OPN5: variants seen among roughly 807,000 people sequenced by gnomAD.
OPN5 encodes opsin 5, also known as opsin-5.
OPN5 carries 18 observed loss-of-function variants against 41.7 expected under a neutral mutation model. The ratio of observed to expected loss-of-function variants is 0.43; its 90% CI spans 0.30 to 0.64. The LOEUF is 0.64. Among genes scored for constraint, OPN5 ranks in the 30% least tolerant of loss-of-function variants. The pLI is 0.13. For missense variants in OPN5, 318 were observed against 434.5 expected, an observed-to-expected ratio of 0.73 and a Z score of 2.38; for synonymous variants, 178 against 164.3, an observed-to-expected ratio of 1.08 and a Z score of -0.64.
intron 2 of OPN5, among the ~76,000 whole-genome samples, chr6:47,790,113 C>T (rs1289732503): frequency 6.6e-6 from 1 of 151,856 alleles, no homozygotes; most frequent in African/African-American, 2.4e-5. Context: ...TTGAATAAGA[C>T]ATAACTTAAC....
chr6:47,798,595 AAT>A (rs1378388459), intron 4 of OPN5, among the ~76,000 whole-genome samples: 1 of 150,946 alleles, frequency 6.6e-6, no homozygotes, highest in East Asian at 1.9e-4. Context: ...ATATTATATT[AAT>A]ATGTCTATAT....
chr6:47,791,827 C>G (rs1289920922), exon 3 of OPN5: 2 of 1,614,012 alleles, frequency 1.2e-6, no homozygotes, highest in East Asian at 2.2e-5. Flanking sequence ...TCACCATCAT[C>G]TCTTGCTTTT....
intron 3 of OPN5, chr6:47,794,976 A>G (rs547272981): frequency 2.3e-6 from 1 of 425,736 alleles, no homozygotes; most frequent in South Asian, 5.8e-5. Flanking sequence ...CCCTTTTCCC[A>G]GCTGTTGTCA....
chr6:47,786,752 C>A, intron 2 of OPN5, 118 bp downstream of exon 2: 1 of 860,084 alleles, frequency 1.2e-6, no homozygotes, highest in Non-Finnish European at 1.8e-6. Flanking sequence ...TTCCACTCTT[C>A]GCTTCACAAA....
chr6:47,786,581 G>T, exon 2 of OPN5: 1 of 1,611,694 alleles, frequency 6.2e-7, no homozygotes, highest in Non-Finnish European at 8.5e-7. Flanking sequence ...AAGAAGCTGA[G>T]ACCCGCTGAA....
chr6:47,791,799 T>C lies in OPN5; in HGVS notation c.251-3T>C, dbSNP rs933248803. 2 of 1,613,630 alleles carry C rather than the reference T, an allele frequency of 1.2e-6. No homozygotes were observed. The highest frequency in any genetic ancestry group is 1.7e-6 in the Non-Finnish European group (2 of 1,179,724). On this transcript the variant is annotated splice_polypyrimidine_tract_variant and splice_region_variant and intron_variant, in intron 2 of 6. Coordinates refer to ENST00000371211, the Ensembl canonical transcript of OPN5. The stretch of plus-strand genomic sequence containing the variant: ...TCTGTTGACAAGTCACTTGGTGCTC[T>C]AGTTGTAGGCAAGCCGTTCACCATC...
intron 4 of OPN5, among the ~76,000 whole-genome samples, chr6:47,796,069 G>A (rs1342829034): frequency 6.6e-6 from 1 of 152,190 alleles, no homozygotes; most frequent in Admixed American, 6.5e-5. Flanking sequence ...AACACGAGCA[G>A]TTTCTGCAGG....
chr6:47,800,838 A>G (rs940231367), intron 4 of OPN5, among the ~76,000 whole-genome samples: 1 of 152,268 alleles, frequency 6.6e-6, no homozygotes, highest in African/African-American at 2.4e-5. Flanking sequence ...CAGTTTCAGT[A>G]CAATGACAGG....
chr6:47,823,996 T>C lies in OPN5; in HGVS notation c.*5T>C, dbSNP rs1762717257. 3.2e-6 allele frequency: 5 copies of C among 1,549,930 alleles called. No individual in the cohort carries two copies. In the Admixed American group the frequency reaches 7.8e-5, roughly 24 times the overall value. ...TCTTCTCTACAGTGGGAATAACAAATGTTCTGGTTGTGAAGAGTGCATCTG... is the reference window on the plus strand; with the variant it reads ...TCTTCTCTACAGTGGGAATAACAAACGTTCTGGTTGTGAAGAGTGCATCTG... On this transcript the variant is annotated 3_prime_UTR_variant, in exon 7 of 7. Coordinates refer to ENST00000371211, the Ensembl canonical transcript of OPN5.
chr6:47,806,875 A>T (rs1164596288), intron 4 of OPN5, among the ~76,000 whole-genome samples: 1 of 152,150 alleles, frequency 6.6e-6, no homozygotes, highest in African/African-American at 2.4e-5. Flanking sequence ...TCTCCTCAGT[A>T]GGCCAGGCGC....
At chr6:47,801,834 C>T (rs1246958868) in intron 4 of OPN5, among the ~76,000 whole-genome samples, 2 of 151,522 alleles carry the variant, frequency 1.3e-5, no homozygotes, top group Non-Finnish European at 2.9e-5. Flanking sequence ...TCTCTGTGTC[C>T]CCAGGACCTA....
chr6:47,786,270 G>A (rs1017093846), intron 1 of OPN5, among the ~76,000 whole-genome samples: 2 of 152,166 alleles, frequency 1.3e-5, no homozygotes, highest in Non-Finnish European at 2.9e-5. Context: ...TGAGCCTCGC[G>A]GGGAAGTTAG....
intron 4 of OPN5, 66 bp downstream of exon 4, chr6:47,795,629 T>C (rs2113963686): frequency 8.9e-7 from 1 of 1,118,058 alleles, no homozygotes; most frequent in Non-Finnish European, 1.3e-6. Flanking sequence ...GTACAAAGGA[T>C]AGGGAACGTT....
chr6:47,825,677 T>TAA (rs1762770930), downstream of OPN5: 1 of 152,218 alleles, frequency 6.6e-6, no homozygotes, highest in Non-Finnish European at 1.5e-5. Flanking sequence ...ATTTTGACTG[T>TAA]AGTAGCACAT....
In OPN5 at chr6:47,795,582, T is replaced by C; in HGVS notation, c.756+19T>C. 1 of 1,561,920 alleles carries C rather than the reference T, an allele frequency of 6.4e-7. No individual in the cohort carries two copies. Among genetic ancestry groups the C allele is most frequent in the Non-Finnish European group, 8.8e-7 (1 of 1,133,850 alleles). ...GACAAAGGTAAGTGCACTAATATTT[T>C]ACACATGTGTTTTCTGACTACTTAC... On this transcript the variant is annotated intron_variant, in intron 4 of 6. Transcript: ENST00000371211.
At chr6:47,814,048 C>T (rs1318289601) in intron 6 of OPN5, among the ~76,000 whole-genome samples, 5 of 152,036 alleles carry the variant, frequency 3.3e-5, no homozygotes, top group African/African-American at 1.2e-4. Context: ...ATCATTATAT[C>T]ATTATAACGA....
intron 3 of OPN5, among the ~76,000 whole-genome samples, chr6:47,792,950 T>G (rs1453746288): frequency 1.3e-5 from 2 of 150,968 alleles, no homozygotes; most frequent in Non-Finnish European, 2.9e-5. Flanking sequence ...GGCGGGGGCT[T>G]GTGAGCCATT....
chr6:47,819,353 A>ATATATATATATATATATATATATATAT (rs1491208722), intron 6 of OPN5, among the ~76,000 whole-genome samples: 1 of 84,872 alleles, frequency 1.2e-5, no homozygotes, highest in Non-Finnish European at 2.4e-5. Context: ...ATATATATAT[A>ATATATATATATATATATATATATATAT]AAAAATATAT....
At chr6:47,819,287 A>G (rs1264698979) in intron 6 of OPN5, among the ~76,000 whole-genome samples, 1 of 138,862 alleles carries the variant, frequency 7.2e-6, no homozygotes, top group African/African-American at 2.6e-5. Context: ...AGTGGCATCA[A>G]TGCCATGACT....
Sources: gnomAD v4.1 joint callset for allele counts (sites outside exome capture counted in the v4.1 genomes callset) on GRCh38, gnomAD v4.1.1 for gene constraint, MANE v1.5 for transcripts, NCBI Gene and HGNC (gene_info 2026-07-23, HGNC 2026-07-21) for gene names.